The following C4orf54 variants were observed in gnomAD, a reference collection of about 807,000 sequenced individuals.
C4orf54 encodes uncharacterized protein C4orf54.
In C4orf54, 67 loss-of-function variants were observed where a neutral mutation model predicts 80.1. That is an observed-to-expected ratio of 0.84 (90% confidence interval 0.69 to 1.03). The LOEUF is 1.03. Ranked by LOEUF, C4orf54 falls within the 50% of genes least tolerant of loss-of-function variation. The pLI is 0.00. For missense variants in C4orf54, 2,434 were observed against 2,253.5 expected, an observed-to-expected ratio of 1.08 and a Z score of -1.62; for synonymous variants, 1,000 against 917.0, an observed-to-expected ratio of 1.09 and a Z score of -1.64.
Position 99,653,639 on chromosome 4 carries a change from C to T in C4orf54, c.1010G>A (p.Gly337Glu). 1.3e-6 allele frequency: 2 copies of T among 1,532,594 alleles called. No individual in the cohort carries two copies. Among genetic ancestry groups the T allele is most frequent in the East Asian group, 2.4e-5 (1 of 40,866 alleles). The allele number at this position is 1,532,594 out of a possible 1,614,324, so 94.9% of individuals were successfully genotyped here. ...GGGGGGKGGG[G>E]GGAGDGTECR... is the part of the protein sequence containing the mutation. ...CTCTGTTCCATCTCCTGCCCCTCCT[C>T]CCCCTCCTCCTTTTCCTCCTCCCCC... The change falls in exon 2 of 3, where the codon GGA becomes GAA. Residue 337 changes from glycine (G) to glutamate (E), a missense_variant. Coordinates refer to ENST00000511828, the MANE Select transcript of C4orf54 (RefSeq NM_001354435.2).
Position 99,651,867 on chromosome 4 carries a change from C to T in C4orf54, c.2782G>A (p.Ala928Thr). 6.5e-7 allele frequency: 1 copy of T among 1,536,114 alleles called. No homozygotes were observed. Among genetic ancestry groups the T allele is most frequent in the East Asian group, 2.4e-5 (1 of 40,898 alleles). Residue 928 changes from alanine to threonine, a missense_variant, in exon 2 of 3, where the codon GCC (alanine) becomes ACC (threonine). By Grantham distance (58) the Ala-to-Thr change is moderately conservative. Transcript: ENST00000511828. ...HTEVCEIKKS[A>T]SETVKGIFLR... ...AAGATGCCCTTGACGGTCTCTGAGG[C>T]ACTCTTTTTAATTTCACACACTTCT...
At chr4:99,643,055 C>G (rs1236747482) in intron 2 of C4orf54, among the ~76,000 whole-genome samples, 2 of 152,168 alleles carry the variant, frequency 1.3e-5, no homozygotes, top group Non-Finnish European at 2.9e-5. Flanking sequence ...ATCCTGGGCA[C>G]AGGTCCATGA....
rs1403353039 is a variant in C4orf54, at chr4:99,650,215, G to A, written c.4434C>T (p.Ser1478=). 2 of 1,536,048 alleles carry A rather than the reference G, an allele frequency of 1.3e-6. No homozygotes were observed. The highest frequency in any genetic ancestry group is 1.7e-6 in the Non-Finnish European group (2 of 1,146,902). ...TGCTAAGAAGCTCCCCTGCAGCAGA[G>A]CTTCCTTTAAGAGGGATGGTCAGGT... The part of the protein sequence containing the change: ...ENYLTIPLKG[S]SAAGELLSRP... The change falls in exon 2 of 3, where the codon AGC becomes AGT. Residue 1478 remains serine, a synonymous_variant. Coordinates refer to ENST00000511828, the MANE Select transcript of C4orf54 (RefSeq NM_001354435.2).
chr4:99,652,463 T>C lies in C4orf54; in HGVS notation c.2186A>G (p.Lys729Arg), dbSNP rs897984972. Residue 729 changes from lysine to arginine, a missense_variant, in exon 2 of 3, where the codon AAA (lysine) becomes AGA (arginine). Physicochemically the swap from Lys to Arg is conservative, Grantham distance 26. Transcript: ENST00000511828. ...FVVSKVEGEI[K>R]HVETPLCFQK... ...GAAACACAGGGGCGTCTCCACATGT[T>C]TGATTTCCCCCTCGACTTTGCTGAC... The C allele has an allele frequency of 6.5e-7, 1 of 1,535,822 alleles. No homozygotes were observed. Among genetic ancestry groups the C allele is most frequent in the Middle Eastern group, 1.7e-4 (1 of 6,010 alleles).
chr4:99,649,201 A>C (rs1726749634), intron 2 of C4orf54, 30 bp downstream of exon 2: 1 of 1,446,106 alleles, frequency 6.9e-7, no homozygotes, highest in South Asian at 1.5e-5. Flanking sequence ...TACTCTCTTA[A>C]ACCTGATTAT....
Position 99,651,638 on chromosome 4 carries a change from G to C in C4orf54, c.3011C>G (p.Pro1004Arg), listed in dbSNP as rs898307213. ...NIQQTPKDKQ[P>R]RKQATKYPAA... ...AGGGTACTTGGTGGCCTGCTTCCTC[G>C]GCTGCTTGTCCTTGGGTGTCTGCTG... is the stretch of plus-strand genomic sequence containing the variant. The change falls in exon 2 of 3, where the codon CCG becomes CGG. Residue 1004 changes from proline to arginine, a missense_variant. Physicochemically the swap from Pro to Arg is moderately radical, Grantham distance 103. Transcript: ENST00000511828. 6.5e-7 allele frequency: 1 copy of C among 1,536,056 alleles called. No individual in the cohort carries two copies. The highest frequency in any genetic ancestry group is 8.7e-7 in the Non-Finnish European group (1 of 1,146,894).
In C4orf54 at chr4:99,653,056, A is replaced by G; in HGVS notation, c.1593T>C (p.Asn531=). 6.5e-7 allele frequency: 1 copy of G among 1,536,198 alleles called. No individual in the cohort carries two copies. The highest frequency in any genetic ancestry group is 8.7e-7 in the Non-Finnish European group (1 of 1,146,902). The change falls in exon 2 of 3, where the codon AAT becomes AAC. Residue 531 remains asparagine, a synonymous_variant. Transcript: ENST00000511828. The part of the protein sequence containing the change: ...LSIKPASRAI[N]EPSNVRAKQN... Reference sequence around the variant, plus strand: ...GCTTTGCACGCACGTTGCTAGGCTCATTTATAGCCCGGGAAGCCGGTTTGA... The same window carrying G: ...GCTTTGCACGCACGTTGCTAGGCTCGTTTATAGCCCGGGAAGCCGGTTTGA...
chr4:99,650,932 C>G lies in C4orf54; in HGVS notation c.3717G>C (p.Glu1239Asp), dbSNP rs759640889. Reference protein sequence around the residue: ...QKTPEKLKEEEVKEEGKATKP... With the variant: ...QKTPEKLKEEDVKEEGKATKP... ...TCGTGGCTTTCCCTTCCTCCTTGACCTCCTCCTCCTTGAGCTTCTCTGGGG... is the reference window on the plus strand; with the variant it reads ...TCGTGGCTTTCCCTTCCTCCTTGACGTCCTCCTCCTTGAGCTTCTCTGGGG... The change falls in exon 2 of 3, where the codon GAG becomes GAC. Residue 1239 changes from glutamate (E) to aspartate (D), a missense_variant. Physicochemically the swap from Glu to Asp is conservative, Grantham distance 45. Coordinates refer to ENST00000511828, the MANE Select transcript of C4orf54 (RefSeq NM_001354435.2). The G allele has an allele frequency of 1.5e-5, 23 of 1,536,074 alleles. No individual in the cohort carries two copies. Among genetic ancestry groups the G allele is most frequent in the Non-Finnish European group, 1.9e-5 (22 of 1,146,930 alleles).
intron 2 of C4orf54, among the ~76,000 whole-genome samples, chr4:99,642,873 G>C (rs1297765770): frequency 6.6e-6 from 1 of 152,184 alleles, no homozygotes; most frequent in Non-Finnish European, 1.5e-5. Context: ...GAAAATCACC[G>C]CACACAGCTG....
chr4:99,648,510 G>C (rs1726736742), intron 2 of C4orf54, among the ~76,000 whole-genome samples: 1 of 151,602 alleles, frequency 6.6e-6, no homozygotes, highest in African/African-American at 2.4e-5. Flanking sequence ...TTCAAGCAAG[G>C]AGTAACTGCA....
At position 99,649,726 on chromosome 4, in the gene C4orf54, C is replaced by G. The variant is rs182220913; in HGVS notation, c.4923G>C (p.Gly1641=). The G allele has an allele frequency of 6.5e-7, 1 of 1,536,062 alleles. No homozygotes were observed. The highest frequency in any genetic ancestry group is 2.0e-5 in the Admixed American group (1 of 50,980). Residue 1641 remains glycine (G), a synonymous_variant, in exon 2 of 3, where the codon GGG becomes GGC. Transcript: ENST00000511828. ...MTRRLFDPET[G]QYVDVPMTSQ... The stretch of plus-strand genomic sequence containing the variant: ...AGGTCATGGGCACATCCACATACTG[C>G]CCTGTCTCAGGGTCAAACAGTCTCC...
intron 2 of C4orf54, among the ~76,000 whole-genome samples, chr4:99,645,410 T>TAA (rs70958324): frequency 0.14 from 8,016 of 55,594 alleles, 567 homozygotes; most frequent in African/African-American, 0.17. Flanking sequence ...AGGCTTACAG[T>TAA]AAAAAAAAAA....
At position 99,640,438 on chromosome 4, in the gene C4orf54, T is replaced by A. The variant is rs1218436786; in HGVS notation, c.*795A>T. 1 of 152,162 alleles carries A rather than the reference T, an allele frequency of 6.6e-6. No individual in the cohort carries two copies. Among genetic ancestry groups the A allele is most frequent in the Non-Finnish European group, 1.5e-5 (1 of 67,994 alleles). 9.4% of individuals were successfully genotyped at this position (152,162 alleles called of 1,614,324 possible). A position where few individuals can be genotyped will look rare whatever the true frequency, so the allele number is the denominator to read the frequency against. On this transcript the variant is annotated 3_prime_UTR_variant, in exon 3 of 3. Coordinates refer to ENST00000511828, the MANE Select transcript of C4orf54 (RefSeq NM_001354435.2). ...AAATGTTATGCACCCACAAAAATAA[T>A]TGGATTCTTAAAGGAAAATAGATAT...
Position 99,650,381 on chromosome 4 carries a change from C to A in C4orf54, c.4268G>T (p.Ser1423Ile). Residue 1423 changes from serine (S) to isoleucine (I), a missense_variant, in exon 2 of 3, where the codon AGT becomes ATT. By Grantham distance (142) the Ser-to-Ile change is moderately radical. Transcript: ENST00000511828. ...CTTGATGCCCTTAGCTGCTGAAGGACTCTCCGGAGAAGGCCCTTGTGGGAA... is the reference window on the plus strand; with the variant it reads ...CTTGATGCCCTTAGCTGCTGAAGGAATCTCCGGAGAAGGCCCTTGTGGGAA... ...GKFPQGPSPE[S>I]PSAAKGIKSQ... The A allele has an allele frequency of 6.5e-7, 1 of 1,536,082 alleles. No individual in the cohort carries two copies. The highest frequency in any genetic ancestry group is 2.0e-5 in the Admixed American group (1 of 51,002).
chr4:99,653,747 G>A lies in C4orf54; in HGVS notation c.902C>T (p.Ser301Leu). The change falls in exon 2 of 3, where the codon TCA becomes TTA. Residue 301 changes from serine (S) to leucine (L), a missense_variant. Ser to Leu is a moderately radical substitution (Grantham distance 145, BLOSUM62 -2). Coordinates refer to ENST00000511828, the MANE Select transcript of C4orf54 (RefSeq NM_001354435.2). ...ACTCTCACTCTCGAAGCCTAAGGAT[G>A]AAGAGGAGGTGGCCAGAGCCCCTGT... The part of the protein sequence containing the change: ...TSTGALATSS[S>L]SLGFESESGE... The A allele has an allele frequency of 6.5e-7, 1 of 1,535,960 alleles. No individual in the cohort carries two copies. The highest frequency in any genetic ancestry group is 8.7e-7 in the Non-Finnish European group (1 of 1,146,856).
In C4orf54 at chr4:99,652,569, TC is replaced by T; in HGVS notation, c.2079del (p.Lys694ArgfsTer61). 1 of 1,536,036 alleles carries T rather than the reference TC, an allele frequency of 6.5e-7. No individual in the cohort carries two copies. The highest frequency in any genetic ancestry group is 1.7e-4 in the Middle Eastern group (1 of 5,990). On this transcript the variant is annotated frameshift_variant, in exon 2 of 3. Coordinates refer to ENST00000511828, the MANE Select transcript of C4orf54 (RefSeq NM_001354435.2). LOFTEE classifies it high-confidence loss of function. ...SSAASVAAGL[R>X]KGSGARATAD... ...GCAGTGGCCCGGGCCCCACTGCCCTTCCTCAGACCTGCAGCCACAGAGGCCG... is the reference window on the plus strand; with the variant it reads ...GCAGTGGCCCGGGCCCCACTGCCCTTCTCAGACCTGCAGCCACAGAGGCCG...
intron 2 of C4orf54, among the ~76,000 whole-genome samples, 157 bp from the exon 3 acceptor site, chr4:99,641,353 T>C (rs1329487691): frequency 1.3e-5 from 2 of 152,186 alleles, no homozygotes; most frequent in Non-Finnish European, 2.9e-5. Context: ...CATTTTAACA[T>C]GTGCTTGGCA....
At chr4:99,645,410 T>TAAA (rs70958324) in intron 2 of C4orf54, among the ~76,000 whole-genome samples, 4,564 of 55,664 alleles carry the variant, frequency 0.082, 224 homozygotes, top group African/African-American at 0.14. Flanking sequence ...AGGCTTACAG[T>TAAA]AAAAAAAAAA....
At position 99,650,505 on chromosome 4, in the gene C4orf54, T is replaced by G. The variant is rs1196307644; in HGVS notation, c.4144A>C (p.Thr1382Pro). ...IPPVHKDVERTQPLQPLPPLP... is the reference protein window; with the variant it reads ...IPPVHKDVERPQPLQPLPPLP... ...GGTGGGAGGGGCTGCAGGGGTTGGG[T>G]TCTCTCTACATCCTTGTGGACTGGG... The change falls in exon 2 of 3, where the codon ACC becomes CCC. Residue 1382 changes from threonine (T) to proline (P), a missense_variant. Coordinates refer to ENST00000511828, the MANE Select transcript of C4orf54 (RefSeq NM_001354435.2). 6.5e-7 allele frequency: 1 copy of G among 1,536,086 alleles called. No homozygotes were observed. The highest frequency in any genetic ancestry group is 2.4e-5 in the East Asian group (1 of 40,896).
Sources: allele counts gnomAD v4.1 joint callset (sites outside exome capture counted in the v4.1 genomes callset), GRCh38; gene constraint gnomAD v4.1.1; transcripts MANE v1.5; gene names NCBI Gene and HGNC (gene_info 2026-07-23, HGNC 2026-07-21).